The following CHRDL1 variants were observed in gnomAD, a reference collection of about 807,000 sequenced individuals.
CHRDL1 encodes chordin-like protein 1.
A neutral mutation model predicts 40.9 loss-of-function variants in CHRDL1; 19 were observed. That is an observed-to-expected ratio of 0.46 (90% CI 0.32 to 0.68). The LOEUF is 0.68. Among genes scored for constraint, CHRDL1 ranks in the 30% least tolerant of loss-of-function variants. CHRDL1 has a pLI of 0.03. For missense variants in CHRDL1, 329 were observed against 352.1 expected, an observed-to-expected ratio of 0.93 and a Z score of 0.53; for synonymous variants, 136 against 123.4, an observed-to-expected ratio of 1.10 and a Z score of -0.68.
intron 6 of CHRDL1, among the ~76,000 whole-genome samples, chrX:110,704,892 G>A (rs905359081): frequency 9.0e-6 from 1 of 111,601 alleles, no homozygotes; most frequent in Non-Finnish European, 1.9e-5. Flanking sequence ...AAAAATGATA[G>A]ACTAGTTCTC....
At chrX:110,721,333 G>A in intron 5 of CHRDL1, 52 bp downstream of exon 5, 1 of 1,103,243 alleles carries the variant, frequency 9.1e-7, no homozygotes, top group South Asian at 1.8e-5. Context: ...TACAGAGGAA[G>A]CTCTTGTATT....
chrX:110,778,227 C>G (rs931325653), intron 2 of CHRDL1, among the ~76,000 whole-genome samples: 1 of 111,541 alleles, frequency 9.0e-6, no homozygotes, highest in African/African-American at 3.2e-5. Flanking sequence ...CCAGAAGCAA[C>G]TGCAACAAAA....
intron 4 of CHRDL1, among the ~76,000 whole-genome samples, chrX:110,732,854 CTT>C (rs1175209745): frequency 3.6e-5 from 4 of 112,004 alleles, no homozygotes; most frequent in Admixed American, 9.4e-5. Context: ...ACTGCTATCA[CTT>C]TGCATCTCTA....
At position 110,719,872 on chromosome X, in the gene CHRDL1, T is replaced by C. The variant is rs1569471386; in HGVS notation, c.504A>G (p.Pro168=). 8.3e-7 allele frequency: 1 copy of C among 1,208,158 alleles called. No homozygotes were observed. Residue 168 remains proline (P), a synonymous_variant, in exon 6 of 12, where the codon CCA becomes CCG. Coordinates refer to ENST00000372042, the MANE Select transcript of CHRDL1 (RefSeq NM_001143981.2). ...GGCAGCAGGAATCTGGAACAGAGAC[T>C]GGGAAGGCACAGGTTAATTTGGGGC... ...KTCPKLTCAF[P]VSVPDSCCRV...
At chrX:110,683,741 C>T (rs905137851) in intron 9 of CHRDL1, among the ~76,000 whole-genome samples, 10 of 111,530 alleles carry the variant, frequency 9.0e-5, no homozygotes, top group African/African-American at 2.9e-4. Flanking sequence ...TGAGGACCAT[C>T]TGAACCCCAG....
chrX:110,762,128 C>T (rs1005173071), intron 3 of CHRDL1, among the ~76,000 whole-genome samples: 5 of 112,475 alleles, frequency 4.4e-5, no homozygotes, highest in Non-Finnish European at 9.4e-5. Context: ...GCTCTTCTGC[C>T]TTCTCTAACC....
intron 4 of CHRDL1, among the ~76,000 whole-genome samples, chrX:110,724,324 T>C (rs1484225697): frequency 8.9e-6 from 1 of 111,976 alleles, no homozygotes; most frequent in African/African-American, 3.3e-5. Context: ...GGAAGAATGA[T>C]CTTGAGAATC....
chrX:110,719,396 T>C (rs940653033), intron 6 of CHRDL1, among the ~76,000 whole-genome samples: 3 of 112,048 alleles, frequency 2.7e-5, no homozygotes, highest in African/African-American at 9.7e-5. Context: ...CATCTTATTA[T>C]GGGGTTTAAA....
intron 8 of CHRDL1, among the ~76,000 whole-genome samples, chrX:110,691,181 C>A (rs2070269169): frequency 9.4e-6 from 1 of 106,208 alleles, no homozygotes; most frequent in Non-Finnish European, 1.9e-5. Flanking sequence ...GCCATTACAC[C>A]CCAGCCTGGG....
chrX:110,753,747 G>C (rs909449082), intron 4 of CHRDL1, among the ~76,000 whole-genome samples: 2 of 110,763 alleles, frequency 1.8e-5, no homozygotes, highest in African/African-American at 6.6e-5. Context: ...GGGAGAAAAG[G>C]GGAACACAAG....
chrX:110,694,300 G>A lies in CHRDL1; in HGVS notation c.641C>T (p.Pro214Leu), dbSNP rs948972513. 1.7e-6 allele frequency: 2 copies of A among 1,209,410 alleles called. No individual in the cohort carries two copies. Among genetic ancestry groups the A allele is most frequent in the African/African-American group, 3.5e-5 (2 of 57,765 alleles). ...RHSYHRSHYD[P>L]PPSRQAGGLS... ...ACCTCCAGCCTGTCGGCTTGGTGGA[G>A]GATCATAGTGAGAGCGGTGGTAAGA... The change falls in exon 8 of 12, where the codon CCT becomes CTT. Residue 214 changes from proline to leucine, a missense_variant. Pro to Leu is a moderately conservative substitution (Grantham distance 98). Transcript: ENST00000372042.
At chrX:110,698,124 G>A (rs918295393) in intron 7 of CHRDL1, among the ~76,000 whole-genome samples, 14 of 111,123 alleles carry the variant, frequency 1.3e-4, no homozygotes, top group Admixed American at 3.8e-4. Context: ...AACAGTTTAC[G>A]AAAAGGACAG....
chrX:110,755,917 G>A (rs1000186472), intron 4 of CHRDL1, among the ~76,000 whole-genome samples: 2 of 111,521 alleles, frequency 1.8e-5, no homozygotes, highest in South Asian at 3.8e-4. Flanking sequence ...TCAGATGGGT[G>A]GGTACCTTTT....
At chrX:110,761,727 A>G (rs1483576343) in intron 3 of CHRDL1, among the ~76,000 whole-genome samples, 1 of 112,529 alleles carries the variant, frequency 8.9e-6, no homozygotes, top group Non-Finnish European at 1.9e-5. Flanking sequence ...AAGAAACTCT[A>G]GCCTAACATA....
chrX:110,717,133 C>G (rs1011521399), intron 6 of CHRDL1, among the ~76,000 whole-genome samples: 9 of 111,801 alleles, frequency 8.1e-5, no homozygotes, highest in African/African-American at 9.8e-5. Flanking sequence ...TGACAGTCCA[C>G]AGACCACCAT....
At chrX:110,688,535 T>C in intron 9 of CHRDL1, 59 bp downstream of exon 9, 1 of 812,053 alleles carries the variant, frequency 1.2e-6, no homozygotes, top group East Asian at 3.1e-5. Context: ...CTAAAGAAAG[T>C]TTAGAAAGAC....
intron 2 of CHRDL1, among the ~76,000 whole-genome samples, chrX:110,782,585 G>A (rs1172164805): frequency 8.9e-6 from 1 of 112,153 alleles, no homozygotes; most frequent in African/African-American, 3.2e-5. Context: ...GTTGTTTGTA[G>A]TGAAGTCAAG....
intron 6 of CHRDL1, among the ~76,000 whole-genome samples, chrX:110,716,895 C>A (rs1290980292): frequency 9.0e-6 from 1 of 111,512 alleles, no homozygotes; most frequent in Non-Finnish European, 1.9e-5. Context: ...CTTTTCATCC[C>A]AGTTCCTTAT....
chrX:110,701,705 T>C (rs189545360), intron 6 of CHRDL1, among the ~76,000 whole-genome samples: 2 of 111,096 alleles, frequency 1.8e-5, no homozygotes, highest in African/African-American at 6.6e-5. Flanking sequence ...TCCCAGCTAC[T>C]TGGGAGGCTG....
Sources: gnomAD v4.1 joint callset for allele counts (sites outside exome capture counted in the v4.1 genomes callset) on GRCh38, gnomAD v4.1.1 for gene constraint, MANE v1.5 for transcripts, NCBI Gene and HGNC (gene_info 2026-07-23, HGNC 2026-07-21) for gene names.